MEGF6: variants seen among roughly 807,000 people sequenced by gnomAD.
The protein encoded by MEGF6 is multiple epidermal growth factor-like domains protein 6.
MEGF6 carries 184 observed loss-of-function variants against 207.1 expected under a neutral mutation model. The observed-to-expected ratio is 0.89, with a 90% confidence interval of 0.79 to 1.00. The LOEUF is 1.00. Among genes scored for constraint, MEGF6 ranks in the 50% least tolerant of loss-of-function variants. The probability of loss-of-function intolerance (pLI) is 0.00; values close to 1 mark genes in which losing one functional copy is unlikely to be tolerated. For missense variants in MEGF6, 2,282 were observed against 2,202.9 expected, an observed-to-expected ratio of 1.04 and a Z score of -0.72; for synonymous variants, 1,038 against 910.0, an observed-to-expected ratio of 1.14 and a Z score of -2.53.
chr1:3,518,565 G>A (rs911980703), intron 5 of MEGF6, among the ~76,000 whole-genome samples: 2 of 152,226 alleles, frequency 1.3e-5, no homozygotes, highest in Non-Finnish European at 1.5e-5. Flanking sequence ...GCTGACTGGC[G>A]GGCTGCGCCG....
rs528559583 is a variant in MEGF6 at position 3,608,821 on chromosome 1, AAGG to A, written c.131+2314_131+2316del. Among the ~76,000 whole-genome samples the A allele has an allele frequency of 3.3e-5, 5 of 152,270 alleles. No individual in the cohort carries two copies. The South Asian group carries it at 6.2e-4, about 19-fold the overall frequency. On this transcript the variant is annotated intron_variant, in intron 1 of 36. Coordinates refer to ENST00000356575, the MANE Select transcript of MEGF6 (RefSeq NM_001409.4). Reference sequence around the variant, plus strand: ...TAGGCCTCCTGCATGAGGCCCCAGGAAGGAGGCCAGCCATCCTTCCTCATAGTG... The same window carrying A: ...TAGGCCTCCTGCATGAGGCCCCAGGAAGGCCAGCCATCCTTCCTCATAGTG...
chr1:3,540,071 C>A (rs1426434673), intron 4 of MEGF6, among the ~76,000 whole-genome samples: 1 of 152,134 alleles, frequency 6.6e-6, no homozygotes, highest in Non-Finnish European at 1.5e-5. Context: ...GGCTGCCCAG[C>A]TCGGGGTGTC....
At chr1:3,574,580 G>A (rs1428133866) in intron 4 of MEGF6, among the ~76,000 whole-genome samples, 1 of 151,896 alleles carries the variant, frequency 6.6e-6, no homozygotes, top group Admixed American at 6.6e-5. Context: ...ACTGGTGCCG[G>A]GGGTGGGGGG....
chr1:3,531,390 G>C (rs996806788), intron 4 of MEGF6: 2 of 1,162,488 alleles, frequency 1.7e-6, no homozygotes. Flanking sequence ...CGCTCCGCTC[G>C]GCGCCGCCCG....
chr1:3,522,980 A>T (rs2101184372), intron 5 of MEGF6, among the ~76,000 whole-genome samples: 1 of 152,208 alleles, frequency 6.6e-6, no homozygotes, highest in Non-Finnish European at 1.5e-5. Flanking sequence ...GCACATCACA[A>T]CATTCCTGCA....
rs1640303603 is a variant in MEGF6, at chr1:3,490,426, C to G, written c.*102G>C. On this transcript the variant is annotated 3_prime_UTR_variant, in exon 37 of 37. Transcript: ENST00000356575. ...CACGGCCCTCAAAGGAAGGGCAGTA[C>G]CAGGAGCTCTGGGCCCGTGAAGTGT... The G allele has an allele frequency of 1.5e-6, 2 of 1,312,424 alleles. No individual in the cohort carries two copies. Among genetic ancestry groups the G allele is most frequent in the Admixed American group, 4.3e-5 (2 of 45,978 alleles). The allele number at this position is 1,312,424 out of a possible 1,614,324, so 81.3% of individuals were successfully genotyped here.
chr1:3,555,633 C>T (rs1043327021), intron 4 of MEGF6, among the ~76,000 whole-genome samples: 4 of 152,214 alleles, frequency 2.6e-5, no homozygotes, highest in Admixed American at 2.6e-4. Flanking sequence ...CCCCAGGGAG[C>T]TGAACCCGTC....
chr1:3,580,029 G>T, intron 3 of MEGF6, 100 bp from the exon 4 acceptor site: 1 of 798,394 alleles, frequency 1.3e-6, no homozygotes, highest in Non-Finnish European at 1.9e-6. Flanking sequence ...CACCCAGCCT[G>T]CCAGGTCCCC....
chr1:3,565,042 G>A lies in MEGF6; in HGVS notation c.481+14783C>T, dbSNP rs984991843. Among the ~76,000 whole-genome samples, 8 of 152,130 alleles carry A rather than the reference G, an allele frequency of 5.3e-5. No individual in the cohort carries two copies. Among genetic ancestry groups the A allele is most frequent in the Admixed American group, 2.6e-4 (4 of 15,282 alleles). ...CAATTCTGTCCCAGCACCAGGACGC[G>A]GACCCAGGAGGGCAGGGGTTTTGCT... On this transcript the variant is annotated intron_variant, in intron 4 of 36. Coordinates refer to ENST00000356575, the MANE Select transcript of MEGF6 (RefSeq NM_001409.4). The surrounding 1 kb of genome is among the most constrained non-coding windows in gnomAD (Gnocchi z 4.8).
rs1234834340 is a variant in MEGF6, at chr1:3,529,629, C to T, written c.482-5383G>A. ...ACACAGCGACACGGCTGTGCCAACA[C>T]GGGCTGGTTCACCAGGAGCCTGGCG... On this transcript the variant is annotated intron_variant, in intron 4 of 36. Transcript: ENST00000356575. Among the ~76,000 whole-genome samples the T allele has an allele frequency of 6.6e-5, 10 of 152,350 alleles. No homozygotes were observed. The East Asian group carries it at 9.6e-4, about 15-fold the overall frequency.
Position 3,497,302 on chromosome 1 carries a change from C to G in MEGF6, c.3412G>C (p.Ala1138Pro), listed in dbSNP as rs763219701. ...GCCCCAGTGACGTGGTGGCAGGCAG[C>G]GCCAGGCGGGCAGCTGCAGCGCTGG... ...CAQRCSCPPG[A>P]ACHHVTGACR... Residue 1138 changes from alanine (A) to proline (P), a missense_variant, in exon 27 of 37, where the codon GCT (alanine) becomes CCT (proline). Transcript: ENST00000356575. The G allele has an allele frequency of 6.4e-7, 1 of 1,550,600 alleles. No homozygotes were observed. Among genetic ancestry groups the G allele is most frequent in the African/African-American group, 1.4e-5 (1 of 72,306 alleles).
At chr1:3,500,558 T>C in intron 21 of MEGF6, 75 bp downstream of exon 21, 1 of 1,472,612 alleles carries the variant, frequency 6.8e-7, no homozygotes, top group Non-Finnish European at 9.0e-7. Flanking sequence ...AAAGGCTTTG[T>C]GTGTGTGCAC....
upstream of MEGF6, among the ~76,000 whole-genome samples, chr1:3,613,033 T>G (rs1270807901): frequency 1.3e-5 from 2 of 152,156 alleles, no homozygotes; most frequent in East Asian, 3.9e-4. Context: ...ATCTGCTGCT[T>G]ATAAACAACA....
intron 3 of MEGF6, among the ~76,000 whole-genome samples, chr1:3,591,441 A>C (rs1489565131): frequency 2.6e-5 from 4 of 152,216 alleles, no homozygotes; most frequent in South Asian, 2.1e-4. Context: ...CAGGCCAAGC[A>C]GACTTCACCC....
At chr1:3,587,108 C>G (rs1479187261) in intron 3 of MEGF6, among the ~76,000 whole-genome samples, 1 of 152,260 alleles carries the variant, frequency 6.6e-6, no homozygotes, top group Non-Finnish European at 1.5e-5. Context: ...TCATATCTCA[C>G]AGGGCACTTT....
At chr1:3,520,567 G>C (rs1336515324) in intron 5 of MEGF6, among the ~76,000 whole-genome samples, 1 of 152,014 alleles carries the variant, frequency 6.6e-6, no homozygotes, top group Non-Finnish European at 1.5e-5. Context: ...CTGGGCAATG[G>C]GGCACACCAG....
chr1:3,531,361 C>G, intron 4 of MEGF6: 1 of 1,186,952 alleles, frequency 8.4e-7, no homozygotes, highest in Non-Finnish European at 1.0e-6. Flanking sequence ...GGCGGGCGCG[C>G]AATCCCAGCC....
rs1043125126 is a variant in MEGF6, at chr1:3,499,794, A to C, written c.2836+2T>G. On this transcript the variant is annotated splice_donor_variant, in intron 22 of 36. Transcript: ENST00000356575. LOFTEE classifies it high-confidence loss of function. ...CTAGCCCCCGCCTGTGCCGTAGCTC[A>C]CCATGCTCGCAGAAGGTGCCCCTCC... 6.4e-7 allele frequency: 1 copy of C among 1,561,378 alleles called. No homozygotes were observed. Among genetic ancestry groups the C allele is most frequent in the Non-Finnish European group, 8.7e-7 (1 of 1,153,554 alleles).
chr1:3,495,198 A>G (rs1342903427), intron 30 of MEGF6, among the ~76,000 whole-genome samples: 1 of 152,172 alleles, frequency 6.6e-6, no homozygotes, highest in Non-Finnish European at 1.5e-5. Context: ...GCCTGATGGC[A>G]CTATCCTTCC....
Sources: allele counts gnomAD v4.1 joint callset (sites outside exome capture counted in the v4.1 genomes callset), GRCh38; gene constraint gnomAD v4.1.1; non-coding constraint Gnocchi (gnomAD v3.1); transcripts MANE v1.5; gene names NCBI Gene and HGNC (gene_info 2026-07-23, HGNC 2026-07-21).